NRXN3: variants seen among roughly 807,000 people sequenced by gnomAD.
NRXN3 encodes neurexin 3, also known as neurexin III.
A neutral mutation model predicts 137.6 loss-of-function variants in NRXN3; 32 were observed. That is an observed-to-expected ratio of 0.23 (90% CI 0.18 to 0.31). The LOEUF (loss-of-function observed/expected upper bound fraction) is 0.31, where lower values mean the gene tolerates loss of function less well. Among genes scored for constraint, NRXN3 ranks in the 10% least tolerant of loss-of-function variants. NRXN3 has a pLI of 1.00. For synonymous variants in NRXN3, 798 were observed against 784.5 expected (o/e 1.02, Z -0.29); for missense variants, 1,574 against 2,062.5 (o/e 0.76, Z 4.59).
At chr14:79,328,058 C>G (rs1162018148) in intron 15 of NRXN3, among the ~76,000 whole-genome samples, 2 of 152,114 alleles carry the variant, frequency 1.3e-5, no homozygotes, top group Non-Finnish European at 2.9e-5. Context: ...TCCTGTGTGA[C>G]TCTACCATGG....
intron 1 of NRXN3, among the ~76,000 whole-genome samples, chr14:78,171,778 G>C (rs187090383): frequency 3.3e-4 from 50 of 151,492 alleles, no homozygotes; most frequent in Middle Eastern, 6.8e-3. Flanking sequence ...TTAAATGTCT[G>C]CCTCTTTTAA....
chr14:79,021,885 G>T (rs540905905), intron 15 of NRXN3, among the ~76,000 whole-genome samples: 6 of 152,184 alleles, frequency 3.9e-5, no homozygotes, highest in Non-Finnish European at 8.8e-5. Context: ...AAGGTCAACA[G>T]TGCCAGCCCA....
intron 15 of NRXN3, among the ~76,000 whole-genome samples, chr14:79,039,063 T>C (rs1017816142): frequency 6.6e-6 from 1 of 152,104 alleles, no homozygotes; most frequent in African/African-American, 2.4e-5. Flanking sequence ...GCTGTACTCA[T>C]CTGTGAACGT....
At chr14:79,220,346 A>G (rs1316845541) in intron 15 of NRXN3, among the ~76,000 whole-genome samples, 1 of 152,220 alleles carries the variant, frequency 6.6e-6, no homozygotes, top group African/African-American at 2.4e-5. Flanking sequence ...AGCAGAAAGT[A>G]TAGAGTTCTC....
chr14:78,176,005 G>A (rs562276791), intron 1 of NRXN3, among the ~76,000 whole-genome samples: 16 of 152,326 alleles, frequency 1.1e-4, no homozygotes, highest in African/African-American at 3.8e-4. Context: ...TGTTCCTAGT[G>A]CGTAGGACAT....
At position 79,861,973 on chromosome 14, in the gene NRXN3, A is replaced by C; in HGVS notation, c.*9A>C. ...GGGAGTATTACGTGTAAACATGCGA[A>C]CACTGCTCACACGCGAGTTTTCACA... On this transcript the variant is annotated 3_prime_UTR_variant, in exon 21 of 21. Transcript: ENST00000335750. The surrounding 1 kb of genome is among the most constrained non-coding windows in gnomAD (Gnocchi z 5.4). The C allele has an allele frequency of 6.3e-7, 1 of 1,595,428 alleles. No individual in the cohort carries two copies. Among genetic ancestry groups the C allele is most frequent in the African/African-American group, 1.3e-5 (1 of 74,446 alleles).
At chr14:79,481,798 C>A (rs1035021097) in intron 16 of NRXN3, among the ~76,000 whole-genome samples, 1 of 151,904 alleles carries the variant, frequency 6.6e-6, no homozygotes, top group South Asian at 2.1e-4. Flanking sequence ...CAAGACAGCT[C>A]GGCAGGTAGG....
At chr14:79,561,635 G>A (rs1047085997) in intron 16 of NRXN3, among the ~76,000 whole-genome samples, 2 of 151,972 alleles carry the variant, frequency 1.3e-5, no homozygotes, top group Admixed American at 6.6e-5. Flanking sequence ...CCACAATCAG[G>A]ACACTCTTAT....
At chr14:79,755,186 T>A (rs1324496678) in intron 19 of NRXN3, among the ~76,000 whole-genome samples, 2 of 152,180 alleles carry the variant, frequency 1.3e-5, no homozygotes, top group Non-Finnish European at 2.9e-5. Context: ...AACCTATACA[T>A]ATCCTCTCAC....
chr14:79,035,256 C>T (rs1333663154), intron 15 of NRXN3, among the ~76,000 whole-genome samples: 2 of 151,994 alleles, frequency 1.3e-5, no homozygotes, highest in Admixed American at 1.3e-4. Context: ...TATTCATGTA[C>T]AGTGGTTAAG....
chr14:78,742,835 G>A (rs1004455125), intron 8 of NRXN3, among the ~76,000 whole-genome samples: 1 of 152,100 alleles, frequency 6.6e-6, no homozygotes, highest in Non-Finnish European at 1.5e-5. Flanking sequence ...AGATTCTAAC[G>A]ATAAGAATGT....
chr14:79,756,501 A>T (rs1568133117), intron 19 of NRXN3, among the ~76,000 whole-genome samples: 1 of 152,112 alleles, frequency 6.6e-6, no homozygotes, highest in Non-Finnish European at 1.5e-5. Flanking sequence ...TTTACCATTA[A>T]ATATATATTT....
chr14:78,818,167 T>C (rs1031687092), intron 10 of NRXN3, among the ~76,000 whole-genome samples: 7 of 151,796 alleles, frequency 4.6e-5, no homozygotes, highest in Non-Finnish European at 7.4e-5. Flanking sequence ...TTAGTGTACC[T>C]AGTTTGGAGG....
In NRXN3 at chr14:79,866,533, A is replaced by C. The variant is rs576775556; in HGVS notation, c.*4569A>C. 7.9e-5 allele frequency: 12 copies of C among 152,270 alleles called. No homozygotes were observed. Among genetic ancestry groups the C allele is most frequent in the Admixed American group, 6.5e-4 (10 of 15,282 alleles). The allele number at this position is 152,270 out of a possible 1,614,324, so 9.4% of individuals were successfully genotyped here. On this transcript the variant is annotated 3_prime_UTR_variant, in exon 21 of 21. Coordinates refer to ENST00000335750, the MANE Select transcript of NRXN3 (RefSeq NM_001330195.2). ...TGGGAGCAAGCAGGATCAAAACCATAATTTGGATTGATGACAGACTGCAAA... is the reference window on the plus strand; with the variant it reads ...TGGGAGCAAGCAGGATCAAAACCATCATTTGGATTGATGACAGACTGCAAA...
chr14:78,874,858 A>T (rs552643265), intron 10 of NRXN3, among the ~76,000 whole-genome samples: 1 of 152,316 alleles, frequency 6.6e-6, no homozygotes, highest in African/African-American at 2.4e-5. Flanking sequence ...CGAATAATGC[A>T]AGAAGAGTCA....
chr14:78,238,256 A>G (rs2066602668), intron 1 of NRXN3, among the ~76,000 whole-genome samples: 1 of 152,118 alleles, frequency 6.6e-6, no homozygotes, highest in Admixed American at 6.6e-5. Context: ...TTAGCTGACA[A>G]TTAGATAATG....
intron 15 of NRXN3, among the ~76,000 whole-genome samples, chr14:79,137,692 A>T (rs141324833): frequency 2.0e-5 from 3 of 152,342 alleles, no homozygotes; most frequent in African/African-American, 2.4e-5. Context: ...CTGGATAAAG[A>T]TAGTAAGGCT....
intron 16 of NRXN3, among the ~76,000 whole-genome samples, chr14:79,561,643 T>A (rs185114541): frequency 3.5e-4 from 54 of 152,280 alleles, no homozygotes; most frequent in African/African-American, 1.3e-3. Context: ...AGGACACTCT[T>A]ATGAACTGTT....
At chr14:78,313,411 A>G (rs1159601039) in intron 4 of NRXN3, among the ~76,000 whole-genome samples, 3 of 151,816 alleles carry the variant, frequency 2.0e-5, no homozygotes, top group African/African-American at 7.3e-5. Flanking sequence ...CTTCTTTCTT[A>G]GAAATGGTTT....
Sources: gnomAD v4.1 joint callset for allele counts (sites outside exome capture counted in the v4.1 genomes callset) on GRCh38, gnomAD v4.1.1 for gene constraint, Gnocchi (gnomAD v3.1) non-coding constraint, MANE v1.5 for transcripts, NCBI Gene and HGNC (gene_info 2026-07-23, HGNC 2026-07-21) for gene names.